The following ALG9 variants were observed in gnomAD, a reference collection of about 807,000 sequenced individuals.
The protein encoded by ALG9 is alpha-1,2-mannosyltransferase ALG9.
Under a neutral mutation model 81.8 loss-of-function variants are expected in ALG9, and 55 were observed. That is an observed-to-expected ratio of 0.67 (90% CI 0.54 to 0.84). The LOEUF (loss-of-function observed/expected upper bound fraction) is 0.84, where lower values mean the gene tolerates loss of function less well. Among genes scored for constraint, ALG9 ranks in the 40% least tolerant of loss-of-function variants. The pLI, the probability that ALG9 is intolerant of heterozygous loss-of-function variation, is 0.00. For synonymous variants in ALG9, 278 were observed against 274.3 expected (o/e 1.01, Z -0.13); for missense variants, 629 against 745.0 (o/e 0.84, Z 1.81).
At chr11:111,805,574 A>G (rs1369294489) in intron 14 of ALG9, among the ~76,000 whole-genome samples, 1 of 152,248 alleles carries the variant, frequency 6.6e-6, no homozygotes, top group Admixed American at 6.5e-5. Context: ...TATATGCTGT[A>G]TGATTCAAGC....
intron 2 of ALG9, 131 bp downstream of exon 2, chr11:111,870,101 T>A (rs782491704): frequency 4.1e-5 from 47 of 1,137,838 alleles, no homozygotes; most frequent in Non-Finnish European, 5.4e-5. Context: ...CCTGTTTTTT[T>A]GTTTTTTTTT....
intron 14 of ALG9, 53 bp from the exon 15 acceptor site, chr11:111,786,573 A>C: frequency 6.4e-7 from 1 of 1,566,930 alleles, no homozygotes; most frequent in Non-Finnish European, 8.8e-7. Context: ...GAATTTACTA[A>C]TGGTACTAAA....
At chr11:111,852,834 C>T (rs1958034746) in intron 8 of ALG9, among the ~76,000 whole-genome samples, 1 of 150,398 alleles carries the variant, frequency 6.6e-6, no homozygotes, top group South Asian at 2.1e-4. Context: ...CCCAGCTATT[C>T]GGGAGGCTGA....
intron 14 of ALG9, among the ~76,000 whole-genome samples, chr11:111,807,015 C>T (rs1425596604): frequency 5.3e-5 from 8 of 152,180 alleles, no homozygotes; most frequent in Admixed American, 2.0e-4. Flanking sequence ...CGCTCACTAT[C>T]TCCATTGCCC....
At chr11:111,818,326 A>G (rs1041091393) in intron 13 of ALG9, among the ~76,000 whole-genome samples, 17 of 152,224 alleles carry the variant, frequency 1.1e-4, no homozygotes, top group African/African-American at 4.1e-4. Context: ...GTATTTACAC[A>G]GAGCTAGACA....
intron 5 of ALG9, 66 bp from the exon 6 acceptor site, chr11:111,857,803 A>T: frequency 6.3e-7 from 1 of 1,582,030 alleles, no homozygotes; most frequent in Non-Finnish European, 8.6e-7. Context: ...GGTATCAATT[A>T]AAAACTGATT....
intron 14 of ALG9, among the ~76,000 whole-genome samples, chr11:111,800,262 T>C (rs541528731): frequency 3.2e-4 from 48 of 151,782 alleles, no homozygotes; most frequent in Non-Finnish European, 6.3e-4. Flanking sequence ...AGGCGGATCA[T>C]GAGGTCAGGA....
chr11:111,783,309 G>A lies in ALG9; in HGVS notation c.*3088C>T, dbSNP rs1218064385. ...ACCTCTACTAAAAATACAAAAATTAGCTGAGTGCGGTGGTGGTGTGTGCCT... is the reference window on the plus strand; with the variant it reads ...ACCTCTACTAAAAATACAAAAATTAACTGAGTGCGGTGGTGGTGTGTGCCT... On this transcript the variant is annotated 3_prime_UTR_variant, in exon 15 of 15. Transcript: ENST00000616540. The A allele has an allele frequency of 1.3e-5, 2 of 152,188 alleles. No individual in the cohort carries two copies. Among genetic ancestry groups the A allele is most frequent in the African/African-American group, 2.4e-5 (1 of 41,404 alleles). The allele number at this position is 152,188 out of a possible 1,614,324, so 9.4% of individuals were successfully genotyped here. A position where few individuals can be genotyped will look rare whatever the true frequency, so the allele number is the denominator to read the frequency against.
chr11:111,804,577 C>T (rs937850080), intron 14 of ALG9, among the ~76,000 whole-genome samples: 4 of 151,958 alleles, frequency 2.6e-5, no homozygotes, highest in East Asian at 1.9e-4. Flanking sequence ...GGTGACAGAG[C>T]GAGACCCTGT....
intron 6 of ALG9, among the ~76,000 whole-genome samples, chr11:111,854,154 G>A (rs570663586): frequency 9.7e-5 from 14 of 144,470 alleles, no homozygotes; most frequent in Non-Finnish European, 1.5e-5. Flanking sequence ...CTGGAGTGCA[G>A]TGGCGCAATC....
At position 111,870,370 on chromosome 11, in the gene ALG9, C is replaced by T. The variant is rs782467173; in HGVS notation, c.132G>A (p.Glu44=). ...CTTGTCCTGCTTTGTTCCCAGATAACCTGTTCAAAAGCAAAAAAAAAAAAA... is the reference window on the plus strand; with the variant it reads ...CTTGTCCTGCTTTGTTCCCAGATAATCTGTTCAAAAGCAAAAAAAAAAAAA... ...REAGGAEHRT[E]LSGNKAGQVW... Residue 44 remains glutamate (E), a splice_region_variant and synonymous_variant, in exon 2 of 15, where the codon GAG becomes GAA. Transcript: ENST00000616540. 2 of 1,436,974 alleles carry T rather than the reference C, an allele frequency of 1.4e-6. No homozygotes were observed. The highest frequency in any genetic ancestry group is 9.2e-7 in the Non-Finnish European group (1 of 1,082,334). The allele number at this position is 1,436,974 out of a possible 1,614,324, so 89.0% of individuals were successfully genotyped here. A position where few individuals can be genotyped will look rare whatever the true frequency, so the allele number is the denominator to read the frequency against.
chr11:111,780,066 C>T (rs782012685), downstream of ALG9, among the ~76,000 whole-genome samples: 9 of 152,166 alleles, frequency 5.9e-5, no homozygotes, highest in Admixed American at 2.6e-4. Flanking sequence ...TGTATGGCTA[C>T]GGTCATCTTG....
chr11:111,776,184 C>CAA, the ALG9 span, among the ~76,000 whole-genome samples: 3 of 150,062 alleles, frequency 2.0e-5, no homozygotes, highest in Non-Finnish European at 3.0e-5. Context: ...AAATAAATAA[C>CAA]AAAAAATAAA....
intron 14 of ALG9, among the ~76,000 whole-genome samples, chr11:111,793,547 G>T (rs571145307): frequency 2.6e-5 from 4 of 152,038 alleles, no homozygotes; most frequent in African/African-American, 9.6e-5. Flanking sequence ...GGATCACAAG[G>T]TCAGGAGAGC....
At chr11:111,851,821 G>A (rs561413088) in intron 8 of ALG9, among the ~76,000 whole-genome samples, 1 of 152,094 alleles carries the variant, frequency 6.6e-6, no homozygotes, top group Non-Finnish European at 1.5e-5. Context: ...CTAGCTAAAG[G>A]GAGACATCTA....
the ALG9 span, among the ~76,000 whole-genome samples, chr11:111,774,234 G>C: frequency 1.3e-5 from 2 of 152,068 alleles, no homozygotes; most frequent in Non-Finnish European, 2.9e-5. Context: ...AAATTAGCCA[G>C]GCGTGGTGGC....
chr11:111,846,516 G>C (rs1227171002), intron 8 of ALG9, among the ~76,000 whole-genome samples: 1 of 152,134 alleles, frequency 6.6e-6, no homozygotes, highest in Non-Finnish European at 1.5e-5. Context: ...TGTACTCTGA[G>C]ATGAGGAAAC....
intron 14 of ALG9, among the ~76,000 whole-genome samples, chr11:111,787,558 G>A (rs1555066318): frequency 3.3e-5 from 5 of 151,790 alleles, no homozygotes; most frequent in African/African-American, 9.7e-5. Flanking sequence ...CCGGGTTCAC[G>A]CCATTCTCCT....
intron 8 of ALG9, among the ~76,000 whole-genome samples, 169 bp from the exon 9 acceptor site, chr11:111,844,892 G>A (rs1316038231): frequency 3.3e-5 from 5 of 152,154 alleles, no homozygotes; most frequent in African/African-American, 9.7e-5. Context: ...AGAAGCACAA[G>A]AGCGAGATGG....
Sources: gnomAD v4.1 joint callset for allele counts (sites outside exome capture counted in the v4.1 genomes callset) on GRCh38, gnomAD v4.1.1 for gene constraint, MANE v1.5 for transcripts, NCBI Gene and HGNC (gene_info 2026-07-23, HGNC 2026-07-21) for gene names.